The following MECOM variants were observed in gnomAD, a reference collection of about 807,000 sequenced individuals.
The protein encoded by MECOM is MDS1 and EVI1 complex locus, also known as histone-lysine N-methyltransferase MECOM.
MECOM carries 13 observed loss-of-function variants against 116.3 expected under a neutral mutation model. That is an observed-to-expected ratio of 0.11 (90% confidence interval 0.07 to 0.18). MECOM has a LOEUF of 0.18. Ranked by LOEUF, MECOM falls within the 10% of genes least tolerant of loss-of-function variation. The pLI is 1.00. For missense variants in MECOM, 1,299 were observed against 1,509.0 expected, an observed-to-expected ratio of 0.86 and a Z score of 2.31; for synonymous variants, 528 against 535.2, an observed-to-expected ratio of 0.99 and a Z score of 0.19.
chr3:169,120,993 G>C (rs1190778738), intron 7 of MECOM, 63 bp downstream of exon 7: 4 of 1,527,490 alleles, frequency 2.6e-6, no homozygotes, highest in African/African-American at 2.7e-5. Context: ...CACTCTCCTG[G>C]TCACAGTGCC....
At chr3:169,305,900 T>C (rs1717601856) in intron 2 of MECOM, among the ~76,000 whole-genome samples, 1 of 152,102 alleles carries the variant, frequency 6.6e-6, no homozygotes, top group African/African-American at 2.4e-5. Context: ...CCTGTAACAA[T>C]GGCAGTTATT....
At chr3:169,211,524 G>T (rs1750726499) in intron 2 of MECOM, among the ~76,000 whole-genome samples, 1 of 152,096 alleles carries the variant, frequency 6.6e-6, no homozygotes, top group Non-Finnish European at 1.5e-5. Context: ...GATATTATGT[G>T]CCACTGACCA....
In MECOM at chr3:169,416,922, G is replaced by T. The variant is rs545828888; in HGVS notation, c.38-35398C>A. On this transcript the variant is annotated intron_variant, in intron 1 of 16. Coordinates refer to ENST00000651503, the MANE Select transcript of MECOM (RefSeq NM_004991.4). ...TGGCCATATGTAGAAAGCTGAAACTGGATGCCTTCCTTACACCTTATACAA... is the reference window on the plus strand; with the variant it reads ...TGGCCATATGTAGAAAGCTGAAACTTGATGCCTTCCTTACACCTTATACAA... Among the ~76,000 whole-genome samples the T allele has an allele frequency of 6.4e-4, 97 of 152,262 alleles. No homozygotes were observed. The Middle Eastern group carries it at 0.017, about 27-fold the overall frequency.
In MECOM at chr3:169,629,918, G is replaced by A. The variant is rs150410048; in HGVS notation, c.37+33418C>T. 7.1e-3 allele frequency among the ~76,000 whole-genome samples: 1,075 copies of A among 152,268 alleles called. 15 individuals carry two copies. The highest frequency in any genetic ancestry group is 0.025 in the African/African-American group (1,028 of 41,552). ...AGGCTGCCCAGCCATCCATCAAAGCGGAGCCTCCTGAGAACAGCAGAATGC... is the reference window on the plus strand; with the variant it reads ...AGGCTGCCCAGCCATCCATCAAAGCAGAGCCTCCTGAGAACAGCAGAATGC... On this transcript the variant is annotated intron_variant, in intron 1 of 16. Coordinates refer to ENST00000651503, the MANE Select transcript of MECOM (RefSeq NM_004991.4).
intron 1 of MECOM, among the ~76,000 whole-genome samples, chr3:169,607,130 A>T (rs1363499167): frequency 6.6e-6 from 1 of 152,246 alleles, no homozygotes; most frequent in Non-Finnish European, 1.5e-5. Flanking sequence ...AGGCAATATA[A>T]TATCTTTATA....
intron 2 of MECOM, among the ~76,000 whole-genome samples, chr3:169,374,485 C>T (rs1043134508): frequency 6.6e-6 from 1 of 151,906 alleles, no homozygotes; most frequent in African/African-American, 2.4e-5. Context: ...TAGGAGAATA[C>T]ACCTTTGCAA....
In MECOM at chr3:169,120,933, A is replaced by T. The variant is rs1577030604; in HGVS notation, c.1132+123T>A. On this transcript the variant is annotated intron_variant, in intron 7 of 16. Coordinates refer to ENST00000651503, the MANE Select transcript of MECOM (RefSeq NM_004991.4). ...TTGTAATCATAAATAGCCCTACTGGATTGGACCATAAATAGCTAACACGGT... is the reference window on the plus strand; with the variant it reads ...TTGTAATCATAAATAGCCCTACTGGTTTGGACCATAAATAGCTAACACGGT... 6 of 951,142 alleles carry T rather than the reference A, an allele frequency of 6.3e-6. No homozygotes were observed. The East Asian group carries it at 1.6e-4, about 25-fold the overall frequency. 58.9% of individuals were successfully genotyped at this position (951,142 alleles called of 1,614,324 possible).
intron 14 of MECOM, among the ~76,000 whole-genome samples, chr3:169,090,485 T>C (rs1483557290): frequency 1.3e-5 from 2 of 152,036 alleles, no homozygotes; most frequent in African/African-American, 4.8e-5. Flanking sequence ...CGAAAAACAA[T>C]CTTGGTCTCC....
chr3:169,109,432 G>C (rs969426064), intron 9 of MECOM, among the ~76,000 whole-genome samples: 2 of 96,722 alleles, frequency 2.1e-5, no homozygotes, highest in African/African-American at 7.5e-5. Flanking sequence ...TTTTTTTTTT[G>C]AGTTGGACTT....
chr3:169,146,689 C>G (rs150048767), intron 2 of MECOM: 2 of 1,282,706 alleles, frequency 1.6e-6, no homozygotes, highest in Non-Finnish European at 2.0e-6. Context: ...ATCGCCCAGA[C>G]TTTTTTTCCT....
chr3:169,144,091 T>C (rs1256907556), intron 2 of MECOM, among the ~76,000 whole-genome samples: 1 of 152,196 alleles, frequency 6.6e-6, no homozygotes, highest in African/African-American at 2.4e-5. Context: ...TATTTTCATA[T>C]GCATAAATTA....
intron 1 of MECOM, among the ~76,000 whole-genome samples, chr3:169,483,148 T>C (rs1177076706): frequency 6.6e-6 from 1 of 152,034 alleles, no homozygotes; most frequent in African/African-American, 2.4e-5. Context: ...TGCAGACCAA[T>C]TTATGTTTAA....
rs150630526 is a variant in MECOM at position 169,537,997 on chromosome 3, T to A, written c.37+125339A>T. On this transcript the variant is annotated intron_variant, in intron 1 of 16. Coordinates refer to ENST00000651503, the MANE Select transcript of MECOM (RefSeq NM_004991.4). ...ATTTGCATTATCTGAGGGGATTTTT[T>A]AAAAAAATAATGATACCTGGGGTCC... Among the ~76,000 whole-genome samples the A allele has an allele frequency of 5.8e-4, 89 of 152,220 alleles. 1 individual carries two copies. The highest frequency in any genetic ancestry group is 2.1e-3 in the African/African-American group (88 of 41,546).
intron 1 of MECOM, among the ~76,000 whole-genome samples, chr3:169,646,109 A>G (rs1193197728): frequency 6.6e-6 from 1 of 152,038 alleles, no homozygotes; most frequent in Non-Finnish European, 1.5e-5. Flanking sequence ...TCCATGGTGT[A>G]TATGTACCAC....
intron 2 of MECOM, among the ~76,000 whole-genome samples, chr3:169,160,344 G>T (rs539725761): frequency 6.6e-6 from 1 of 151,776 alleles, no homozygotes; most frequent in Non-Finnish European, 1.5e-5. Context: ...TCAAAATTAC[G>T]CTAGAAATGA....
At chr3:169,355,257 T>C (rs571404965) in intron 2 of MECOM, among the ~76,000 whole-genome samples, 1 of 152,120 alleles carries the variant, frequency 6.6e-6, no homozygotes, top group East Asian at 1.9e-4. Flanking sequence ...CTGGGCTAGA[T>C]GCTATCTTCA....
At chr3:169,411,959 C>G (rs984645339) in intron 1 of MECOM, among the ~76,000 whole-genome samples, 1 of 152,008 alleles carries the variant, frequency 6.6e-6, no homozygotes, top group Non-Finnish European at 1.5e-5. Context: ...CCACTGCACT[C>G]CAGCCTGTGC....
At chr3:169,134,322 T>A (rs1401204277) in intron 3 of MECOM, among the ~76,000 whole-genome samples, 1 of 152,190 alleles carries the variant, frequency 6.6e-6, no homozygotes. Flanking sequence ...CAGATTGTCA[T>A]GTGAAGAATA....
intron 2 of MECOM, among the ~76,000 whole-genome samples, chr3:169,323,025 AAGC>A (rs1721191899): frequency 4.9e-5 from 7 of 143,260 alleles, no homozygotes; most frequent in African/African-American, 1.3e-4. Context: ...AAAAAAAAAA[AAGC>A]AGCAGCAACA....
Sources: allele counts gnomAD v4.1 joint callset (sites outside exome capture counted in the v4.1 genomes callset), GRCh38; gene constraint gnomAD v4.1.1; transcripts MANE v1.5; gene names NCBI Gene and HGNC (gene_info 2026-07-23, HGNC 2026-07-21).